COL20A1: variants seen among roughly 807,000 people sequenced by gnomAD.
COL20A1 encodes collagen alpha-1(XX) chain.
In COL20A1, 164 loss-of-function variants were observed where a neutral mutation model predicts 152.9. That is an observed-to-expected ratio of 1.07 (90% confidence interval 0.94 to 1.22). The LOEUF (loss-of-function observed/expected upper bound fraction) is 1.22, where lower values mean the gene tolerates loss of function less well. COL20A1 is among the 50% of genes most tolerant of loss of function. The pLI is 0.00. For missense variants in COL20A1, 1,873 were observed against 1,744.8 expected (o/e 1.07, Z -1.31); for synonymous variants, 864 against 756.0 (o/e 1.14, Z -2.34).
chr20:63,310,251 C>T, intron 10 of COL20A1, 130 bp from the exon 11 acceptor site: 2 of 987,650 alleles, frequency 2.0e-6, no homozygotes, highest in Admixed American at 2.2e-5. Context: ...ACAGGGAGCC[C>T]AGGCCTGTGG....
In COL20A1 at chr20:63,311,429, G is replaced by T. The variant is rs753031023; in HGVS notation, c.1429G>T (p.Ala477Ser). The change falls in exon 12 of 36, where the codon GCA becomes TCA. Residue 477 changes from alanine (A) to serine (S), a missense_variant. Physicochemically the swap from Ala to Ser is moderately conservative, Grantham distance 99. Transcript: ENST00000358894. The surrounding 1 kb of genome is among the most constrained non-coding windows in gnomAD (Gnocchi z 4.4). ...TCCGCCCCGGGCGCTGACCCTGGCC[G>T]CAGTGACGCCCAGAACCGTCCACCT... Reference protein sequence around the residue: ...LPPPRALTLAAVTPRTVHLTW... With the variant: ...LPPPRALTLASVTPRTVHLTW... The T allele has an allele frequency of 5.1e-6, 8 of 1,576,226 alleles. No homozygotes were observed. The South Asian group carries it at 9.3e-5, about 18-fold the overall frequency.
In COL20A1 at chr20:63,316,694, G is replaced by T; in HGVS notation, c.2663+3G>T. ...GCCCAGCTGACAAGACGGGTCAGGT[G>T]TGAGGGCAAGGGCTGGGGTGGAGCT... is the stretch of plus-strand genomic sequence containing the variant. On this transcript the variant is annotated splice_donor_region_variant and intron_variant, in intron 21 of 35. Coordinates refer to ENST00000358894, the MANE Select transcript of COL20A1 (RefSeq NM_020882.4). The T allele has an allele frequency of 6.5e-7, 1 of 1,549,452 alleles. No homozygotes were observed. The highest frequency in any genetic ancestry group is 8.7e-7 in the Non-Finnish European group (1 of 1,147,388).
rs770115612 is a variant in COL20A1 at position 63,328,471 on chromosome 20, C to A, written c.3754C>A (p.Arg1252Ser). Residue 1252 changes from arginine to serine, a missense_variant, in exon 34 of 36, where the codon CGT becomes AGT. Arg to Ser is a moderately radical substitution (Grantham distance 110, BLOSUM62 -1). Transcript: ENST00000358894. ...SKALVPGEWG[R>S]GGRHLEGRGE... ...GGCCCTGGTTCCTGGAGAATGGGGG[C>A]GTGGTGGCCGCCACCTTGAGGGCAG... 3 of 1,611,984 alleles carry A rather than the reference C, an allele frequency of 1.9e-6. No homozygotes were observed. Among genetic ancestry groups the A allele is most frequent in the Non-Finnish European group, 1.7e-6 (2 of 1,179,400 alleles).
chr20:63,295,819 T>C (rs1360840060), intron 2 of COL20A1, among the ~76,000 whole-genome samples: 2 of 152,220 alleles, frequency 1.3e-5, no homozygotes, highest in Non-Finnish European at 2.9e-5. Flanking sequence ...GGAAGGTGAA[T>C]TTCCGTGTCT....
In COL20A1 at chr20:63,309,408, T is replaced by G; in HGVS notation, c.1016T>G (p.Leu339Arg). The G allele has an allele frequency of 1.9e-6, 3 of 1,558,566 alleles. No homozygotes were observed. Among genetic ancestry groups the G allele is most frequent in the Admixed American group, 1.9e-5 (1 of 52,650 alleles). The change falls in exon 9 of 36, where the codon CTG becomes CGG. Residue 339 changes from leucine (L) to arginine (R), a missense_variant. Physicochemically the swap from Leu to Arg is moderately radical, Grantham distance 102. Transcript: ENST00000358894. ...AGGGACATCACCGTCCACAGCGTGC[T>G]GGACTTCCTGCAGCTCGGCGCGCTG... ...PPRDITVHSVLDFLQLGALAG... is the reference protein window; with the variant it reads ...PPRDITVHSVRDFLQLGALAG...
intron 6 of COL20A1, 144 bp downstream of exon 6, chr20:63,307,792 T>C (rs2067947145): frequency 1.7e-6 from 2 of 1,203,146 alleles, no homozygotes; most frequent in Non-Finnish European, 2.3e-6. Context: ...CATGGGGTGT[T>C]CTGGGGACCC....
chr20:63,329,536 C>T (rs771244409), intron 34 of COL20A1, 49 bp from the exon 35 acceptor site: 7 of 1,484,314 alleles, frequency 4.7e-6, no homozygotes, highest in Middle Eastern at 1.7e-4. Context: ...GAACAGGGCC[C>T]CAAGCCACTG....
chr20:63,308,738 G>T (rs958567119), intron 8 of COL20A1, 32 bp downstream of exon 8: 2 of 1,543,438 alleles, frequency 1.3e-6, no homozygotes, highest in South Asian at 2.4e-5. Flanking sequence ...CGGCCCTGGA[G>T]TCTCACCGCC....
chr20:63,328,212 G>A (rs550796857), intron 33 of COL20A1, 85 bp downstream of exon 33: 39 of 1,571,504 alleles, frequency 2.5e-5, no homozygotes, highest in Middle Eastern at 1.7e-4. Flanking sequence ...TGGCCAGGCC[G>A]AGGGAGGCCG....
chr20:63,324,188 T>A (rs944396312), intron 27 of COL20A1: 2 of 152,278 alleles, frequency 1.3e-5, no homozygotes, highest in African/African-American at 4.8e-5. Context: ...GTATGACTTT[T>A]GTACCCAGTT....
Position 63,334,790 on chromosome 20 carries a change from G to A in COL20A1, c.*4074G>A, listed in dbSNP as rs1329471575. On this transcript the variant is annotated 3_prime_UTR_variant, in exon 36 of 36. Coordinates refer to ENST00000358894, the MANE Select transcript of COL20A1 (RefSeq NM_020882.4). Reference sequence around the variant, plus strand: ...TAAATAGTAGAAAATAAACCCTGAAGCAGTGTGCATTCATTAGTACTGTGT... The same window carrying A: ...TAAATAGTAGAAAATAAACCCTGAAACAGTGTGCATTCATTAGTACTGTGT... 2.0e-5 allele frequency: 3 copies of A among 152,216 alleles called. No individual in the cohort carries two copies. Among genetic ancestry groups the A allele is most frequent in the Non-Finnish European group, 2.9e-5 (2 of 68,054 alleles). The allele number at this position is 152,216 out of a possible 1,614,324, so 9.4% of individuals were successfully genotyped here. A position where few individuals can be genotyped will look rare whatever the true frequency, so the allele number is the denominator to read the frequency against.
chr20:63,315,379 C>A, intron 19 of COL20A1, 25 bp from the exon 20 acceptor site: 7 of 1,566,478 alleles, frequency 4.5e-6, no homozygotes, highest in Non-Finnish European at 6.0e-6. Context: ...CTCCCACTCA[C>A]ACTGACCCTG....
intron 3 of COL20A1, among the ~76,000 whole-genome samples, chr20:63,298,943 C>T (rs1685101018): frequency 6.6e-6 from 1 of 152,246 alleles, no homozygotes; most frequent in African/African-American, 2.4e-5. Flanking sequence ...CCAACGTCCA[C>T]CCTCCCCTGC....
In COL20A1 at chr20:63,312,040, T is replaced by TG. The variant is rs766208405; in HGVS notation, c.1790dup (p.His598ThrfsTer131). On this transcript the variant is annotated frameshift_variant, in exon 14 of 36. Transcript: ENST00000358894. LOFTEE classifies it high-confidence loss of function. ...GGGTCACCTATGTGTCCAGCGAGGG[T>TG]GGACACTCGGGGCAGGTGAGAGCAG... 4 of 1,586,866 alleles carry TG rather than the reference T, an allele frequency of 2.5e-6. No individual in the cohort carries two copies. The African/African-American group carries it at 5.4e-5, about 21-fold the overall frequency.
At chr20:63,309,235 C>T in intron 8 of COL20A1, 98 bp from the exon 9 acceptor site, 1 of 1,036,886 alleles carries the variant, frequency 9.6e-7, no homozygotes, top group Non-Finnish European at 1.3e-6. Flanking sequence ...CCATAGGCCT[C>T]TTTACTCCTG....
In COL20A1 at chr20:63,316,606, C is replaced by T. The variant is rs369054383; in HGVS notation, c.2578C>T (p.Arg860Trp). ...GGTGGAAAAGGCTTATGCGTCCATC[C>T]GGGGCGTGGCCATGGAGCCCTCTGC... Reference protein sequence around the residue: ...SLVEKAYASIRGVAMEPSAFG... With the variant: ...SLVEKAYASIWGVAMEPSAFG... Residue 860 changes from arginine to tryptophan, a missense_variant, in exon 21 of 36, where the codon CGG becomes TGG. Coordinates refer to ENST00000358894, the MANE Select transcript of COL20A1 (RefSeq NM_020882.4). 8.5e-5 allele frequency: 134 copies of T among 1,584,190 alleles called. No individual in the cohort carries two copies. Among genetic ancestry groups the T allele is most frequent in the Non-Finnish European group, 1.1e-4 (128 of 1,165,494 alleles).
At chr20:63,300,169 A>ATTAT in intron 3 of COL20A1, among the ~76,000 whole-genome samples, 1 of 152,308 alleles carries the variant, frequency 6.6e-6, no homozygotes, top group South Asian at 2.1e-4. Context: ...TTGGCCAATA[A>ATTAT]CTACCCTTTC....
chr20:63,307,110 C>T (rs1369163209), intron 5 of COL20A1, among the ~76,000 whole-genome samples: 8 of 152,342 alleles, frequency 5.3e-5, no homozygotes, highest in East Asian at 3.9e-4. Flanking sequence ...CCGGGGATGG[C>T]GGCTTTGCCT....
Position 63,319,052 on chromosome 20 carries a change from C to T in COL20A1, c.2664-6C>T. 1 of 1,603,086 alleles carries T rather than the reference C, an allele frequency of 6.2e-7. No individual in the cohort carries two copies. Among genetic ancestry groups the T allele is most frequent in the Non-Finnish European group, 8.5e-7 (1 of 1,171,728 alleles). ...CATGTGCCTCTCCCTCCCCCAACCC[C>T]CACAGTGACGTCTACCCAGCCCCCC... On this transcript the variant is annotated splice_polypyrimidine_tract_variant and splice_region_variant and intron_variant, in intron 21 of 35. Transcript: ENST00000358894. The surrounding 1 kb of genome is among the most constrained non-coding windows in gnomAD (Gnocchi z 4.4).
Sources: gnomAD v4.1 joint callset for allele counts (sites outside exome capture counted in the v4.1 genomes callset) on GRCh38, gnomAD v4.1.1 for gene constraint, Gnocchi (gnomAD v3.1) non-coding constraint, MANE v1.5 for transcripts, NCBI Gene and HGNC (gene_info 2026-07-23, HGNC 2026-07-21) for gene names.